The following GPC6 variants were observed in gnomAD, a reference collection of about 807,000 sequenced individuals.
GPC6 encodes glypican-6.
A neutral mutation model predicts 55.2 loss-of-function variants in GPC6; 14 were observed. The observed-to-expected ratio is 0.25, with a 90% CI of 0.17 to 0.40. The LOEUF is 0.40. Ranked by LOEUF, GPC6 falls within the 10% of genes least tolerant of loss-of-function variation. GPC6 has a pLI of 1.00. For synonymous variants in GPC6, 278 were observed against 259.6 expected (o/e 1.07, Z -0.68); for missense variants, 641 against 708.5 (o/e 0.90, Z 1.08).
chr13:94,276,796 T>G (rs1892225346), intron 4 of GPC6, among the ~76,000 whole-genome samples: 1 of 152,194 alleles, frequency 6.6e-6, no homozygotes, highest in Non-Finnish European at 1.5e-5. Context: ...TGCATAGTAT[T>G]CCATGGTGTA....
chr13:93,471,911 A>G (rs1362116076), intron 1 of GPC6, among the ~76,000 whole-genome samples: 1 of 152,192 alleles, frequency 6.6e-6, no homozygotes, highest in African/African-American at 2.4e-5. Flanking sequence ...GGAAATTTTC[A>G]GTGCTTCTCC....
intron 4 of GPC6, among the ~76,000 whole-genome samples, chr13:94,190,282 C>T (rs1183489457): frequency 1.3e-5 from 2 of 150,736 alleles, no homozygotes; most frequent in African/African-American, 2.5e-5. Flanking sequence ...ATCGTGCCAT[C>T]GCACTCCAGC....
chr13:94,256,489 G>C (rs181182446), intron 4 of GPC6, among the ~76,000 whole-genome samples: 1 of 152,296 alleles, frequency 6.6e-6, no homozygotes, highest in East Asian at 1.9e-4. Context: ...AGACTGGGCA[G>C]AGCACTGTAC....
intron 3 of GPC6, among the ~76,000 whole-genome samples, chr13:93,871,561 T>A (rs946087189): frequency 1.3e-5 from 2 of 151,982 alleles, no homozygotes; most frequent in Non-Finnish European, 2.9e-5. Context: ...CACTTCACTA[T>A]AGAGTAAATT....
At chr13:94,376,615 C>A (rs1879868891) in intron 6 of GPC6, among the ~76,000 whole-genome samples, 1 of 151,660 alleles carries the variant, frequency 6.6e-6, no homozygotes, top group African/African-American at 2.4e-5. Context: ...GTGAAAATGG[C>A]CATACTGCCC....
At chr13:93,349,344 A>G (rs1241287463) in intron 1 of GPC6, among the ~76,000 whole-genome samples, 2 of 152,212 alleles carry the variant, frequency 1.3e-5, no homozygotes, top group Middle Eastern at 3.2e-3. Flanking sequence ...GTTTTAAATA[A>G]TAATGAGTTT....
chr13:93,544,219 T>C (rs998806424), intron 1 of GPC6, among the ~76,000 whole-genome samples: 1 of 152,174 alleles, frequency 6.6e-6, no homozygotes, highest in African/African-American at 2.4e-5. Context: ...TTTATTCTGC[T>C]GTTGTTTTAA....
At chr13:93,832,826 A>G (rs988410093) in intron 3 of GPC6, among the ~76,000 whole-genome samples, 1 of 152,104 alleles carries the variant, frequency 6.6e-6, no homozygotes, top group Non-Finnish European at 1.5e-5. Flanking sequence ...TGAGAAATGT[A>G]TTTTCCAACA....
chr13:94,398,151 A>G (rs1164527694), intron 7 of GPC6, among the ~76,000 whole-genome samples: 3 of 151,966 alleles, frequency 2.0e-5, no homozygotes, highest in African/African-American at 7.3e-5. Context: ...TTTCAGTGTG[A>G]GAACAGACTA....
chr13:93,583,562 G>A (rs1877049210), intron 2 of GPC6, among the ~76,000 whole-genome samples: 2 of 152,102 alleles, frequency 1.3e-5, no homozygotes, highest in African/African-American at 2.4e-5. Flanking sequence ...GGGTACAGGC[G>A]CCTGCCACCA....
chr13:94,239,279 T>C (rs2139023397), intron 4 of GPC6, among the ~76,000 whole-genome samples: 1 of 152,236 alleles, frequency 6.6e-6, no homozygotes, highest in South Asian at 2.1e-4. Context: ...AAAAACATCA[T>C]GTTGGAATCT....
intron 4 of GPC6, among the ~76,000 whole-genome samples, chr13:94,266,151 C>CTTTTTTTT (rs111623457): frequency 1.1e-4 from 16 of 142,830 alleles, no homozygotes; most frequent in African/African-American, 2.9e-4. Context: ...CTTTTCTTTT[C>CTTTTTTTT]TTTTTTTTTT....
At position 94,080,129 on chromosome 13, in the gene GPC6, T is replaced by C. The variant is rs1283721949; in HGVS notation, c.877+52235T>C. On this transcript the variant is annotated intron_variant, in intron 4 of 8. Transcript: ENST00000377047. The stretch of plus-strand genomic sequence containing the variant: ...GAAAAGAAAACCAGAGACCAGTCAT[T>C]TGAGATTCATCATCCCAGGATTCAA... 2.0e-5 allele frequency among the ~76,000 whole-genome samples: 3 copies of C among 152,176 alleles called. No homozygotes were observed. The East Asian group carries it at 5.8e-4, about 29-fold the overall frequency.
intron 2 of GPC6, among the ~76,000 whole-genome samples, chr13:93,549,658 A>G (rs1464923830): frequency 6.6e-6 from 1 of 152,026 alleles, no homozygotes; most frequent in Non-Finnish European, 1.5e-5. Flanking sequence ...CTTGTGGTCA[A>G]CACCGCCTAT....
At chr13:94,089,322 C>G (rs532357028) in intron 4 of GPC6, among the ~76,000 whole-genome samples, 1 of 152,284 alleles carries the variant, frequency 6.6e-6, no homozygotes, top group South Asian at 2.1e-4. Context: ...TAGCCAAAGA[C>G]TTTCAATGAC....
intron 3 of GPC6, among the ~76,000 whole-genome samples, chr13:93,992,856 A>T (rs1473625681): frequency 6.6e-6 from 1 of 152,234 alleles, no homozygotes; most frequent in Admixed American, 6.5e-5. Context: ...TAGGAAAATT[A>T]TAAGTGCTAG....
intron 2 of GPC6, among the ~76,000 whole-genome samples, chr13:93,816,525 CT>C (rs547458706): frequency 4.1e-4 from 59 of 144,214 alleles, no homozygotes; most frequent in South Asian, 6.6e-4. Flanking sequence ...CCTCTTTATG[CT>C]TTTTTTTTTT....
At chr13:93,904,726 G>A (rs761304525) in intron 3 of GPC6, among the ~76,000 whole-genome samples, 8 of 152,004 alleles carry the variant, frequency 5.3e-5, no homozygotes, top group Non-Finnish European at 8.8e-5. Flanking sequence ...ACAGAGTGAG[G>A]CTGTGTCTCA....
chr13:93,543,575 A>G (rs1882415840), intron 1 of GPC6, among the ~76,000 whole-genome samples: 1 of 152,010 alleles, frequency 6.6e-6, no homozygotes, highest in South Asian at 2.1e-4. Flanking sequence ...TTTTCTATTG[A>G]TTGGAATAGT....
Sources: gnomAD v4.1 joint callset for allele counts (sites outside exome capture counted in the v4.1 genomes callset) on GRCh38, gnomAD v4.1.1 for gene constraint, MANE v1.5 for transcripts, NCBI Gene and HGNC (gene_info 2026-07-23, HGNC 2026-07-21) for gene names.